Variants in SLCO1A2 observed in about 807,000 individuals in gnomAD.
The protein encoded by SLCO1A2 is OATP-1.
In SLCO1A2, 67 loss-of-function variants were observed where a neutral mutation model predicts 69.0. That is an observed-to-expected ratio of 0.97 (90% CI 0.80 to 1.19). SLCO1A2 has a LOEUF of 1.19. Among genes scored for constraint, SLCO1A2 ranks in the 50% most tolerant of loss-of-function variants. SLCO1A2 has a pLI of 0.00. For missense variants in SLCO1A2, 787 were observed against 793.7 expected (o/e 0.99, Z 0.10); for synonymous variants, 260 against 265.9 (o/e 0.98, Z 0.22).
At chr12:21,327,266 C>A (rs1952308777) in intron 2 of SLCO1A2, among the ~76,000 whole-genome samples, 1 of 152,174 alleles carries the variant, frequency 6.6e-6, no homozygotes, top group Admixed American at 6.6e-5. Flanking sequence ...GATGTCCAGG[C>A]AGAGGTATGC....
intron 2 of SLCO1A2, among the ~76,000 whole-genome samples, chr12:21,351,236 G>A (rs970902567): frequency 6.6e-6 from 1 of 152,186 alleles, no homozygotes; most frequent in Non-Finnish European, 1.5e-5. Context: ...TGTAACCTGA[G>A]AGGTACAAGC....
chr12:21,350,003 G>A (rs1937800586), intron 2 of SLCO1A2, among the ~76,000 whole-genome samples: 1 of 152,174 alleles, frequency 6.6e-6, no homozygotes, highest in Non-Finnish European at 1.5e-5. Flanking sequence ...GAACAGAGGA[G>A]ATGCATATTA....
chr12:21,386,424 T>C (rs1940881857), intron 1 of SLCO1A2, among the ~76,000 whole-genome samples: 1 of 152,096 alleles, frequency 6.6e-6, no homozygotes. Flanking sequence ...CCCCACATAT[T>C]GCGGGAGGGG....
intron 2 of SLCO1A2, among the ~76,000 whole-genome samples, chr12:21,353,072 C>G (rs1938086131): frequency 6.6e-6 from 1 of 152,176 alleles, no homozygotes; most frequent in African/African-American, 2.4e-5. Flanking sequence ...TTTAAACATT[C>G]AAATTCGAAT....
At chr12:21,333,690 G>T (rs1003496819) in intron 2 of SLCO1A2, among the ~76,000 whole-genome samples, 1 of 151,988 alleles carries the variant, frequency 6.6e-6, no homozygotes, top group Non-Finnish European at 1.5e-5. Context: ...AATATTAATA[G>T]CTAATATTTA....
rs112141807 is a variant in SLCO1A2 at position 21,351,965 on chromosome 12, C to T, written c.-62-17256G>A. On this transcript the variant is annotated intron_variant, in intron 2 of 15. Coordinates refer to the SLCO1A2 transcript ENST00000307378. ...CAGTTTAGATTGACTTTGAAATTGC[C>T]CTTAGGAGGACTTTTCCTGAATTTC... 2.7e-4 allele frequency among the ~76,000 whole-genome samples: 41 copies of T among 152,052 alleles called. 1 individual carries two copies. The highest frequency in any genetic ancestry group is 9.9e-4 in the African/African-American group (41 of 41,470).
Position 21,415,566 on chromosome 12 carries a change from A to G in SLCO1A2, c.-312+2316T>C, listed in dbSNP as rs151008608. ...GAACAATTTGGCTCACATTAAATTT[A>G]AGATGTTTTTCTGTGATGGTTTTAA... On this transcript the variant is annotated intron_variant, in intron 1 of 4. Transcript: ENST00000413682. 1.8e-3 allele frequency among the ~76,000 whole-genome samples: 269 copies of G among 152,210 alleles called. 8 individuals are homozygous for G. In the East Asian group the frequency reaches 0.043, roughly 24 times the overall value.
chr12:21,299,391 A>G (rs1245380246), intron 8 of SLCO1A2, among the ~76,000 whole-genome samples: 2 of 151,996 alleles, frequency 1.3e-5, no homozygotes, highest in East Asian at 1.9e-4. Flanking sequence ...GTTACATGCA[A>G]TTTACCCTTT....
At chr12:21,378,477 A>G (rs1213083589) in intron 1 of SLCO1A2, 2 of 1,460,480 alleles carry the variant, frequency 1.4e-6, no homozygotes, top group South Asian at 2.3e-5. Flanking sequence ...GATTTCCTGT[A>G]TAATTTAACA....
At chr12:21,385,434 T>A (rs1417082566) in intron 1 of SLCO1A2, among the ~76,000 whole-genome samples, 2 of 152,202 alleles carry the variant, frequency 1.3e-5, no homozygotes, top group African/African-American at 4.8e-5. Context: ...AAATCCTTCT[T>A]GAAATAAAAA....
intron 4 of SLCO1A2, among the ~76,000 whole-genome samples, chr12:21,313,306 C>A (rs1411704156): frequency 1.3e-5 from 2 of 152,194 alleles, no homozygotes; most frequent in Admixed American, 1.3e-4. Context: ...CGTAGGGTTG[C>A]AATAAACCTT....
chr12:21,268,208 C>G lies in SLCO1A2; in HGVS notation c.*1340G>C, dbSNP rs1344286816. The G allele has an allele frequency of 1.3e-5, 2 of 152,190 alleles. No homozygotes were observed. The highest frequency in any genetic ancestry group is 2.9e-5 in the Non-Finnish European group (2 of 68,066). The allele number at this position is 152,190 out of a possible 1,614,324, so 9.4% of individuals were successfully genotyped here. ...TCCAGCTACCAACTCACACTTTGAACTGGCAACTCAGTTTCACACTTCCAT... is the reference window on the plus strand; with the variant it reads ...TCCAGCTACCAACTCACACTTTGAAGTGGCAACTCAGTTTCACACTTCCAT... On this transcript the variant is annotated 3_prime_UTR_variant, in exon 15 of 15. Transcript: ENST00000683939.
At chr12:21,282,451 A>T (rs1489160735) in intron 12 of SLCO1A2, among the ~76,000 whole-genome samples, 1 of 152,096 alleles carries the variant, frequency 6.6e-6, no homozygotes, top group Non-Finnish European at 1.5e-5. Flanking sequence ...AACATAATAA[A>T]GGCCATATAT....
chr12:21,289,936 T>C (rs1004665858), intron 12 of SLCO1A2, among the ~76,000 whole-genome samples: 3 of 151,936 alleles, frequency 2.0e-5, no homozygotes, highest in Non-Finnish European at 2.9e-5. Context: ...AATTGAACAG[T>C]GTAGGAAAAT....
At chr12:21,385,011 C>T (rs1281423882) in intron 1 of SLCO1A2, among the ~76,000 whole-genome samples, 2 of 152,026 alleles carry the variant, frequency 1.3e-5, no homozygotes, top group East Asian at 1.9e-4. Flanking sequence ...GTCATCCGTC[C>T]GTCTCGGCCT....
chr12:21,384,848 C>G (rs1591906004), intron 1 of SLCO1A2, among the ~76,000 whole-genome samples: 1 of 151,132 alleles, frequency 6.6e-6, no homozygotes, highest in South Asian at 2.1e-4. Context: ...TCACTTCAAG[C>G]TCCGCCTTCC....
chr12:21,325,098 C>A (rs1591845596), intron 2 of SLCO1A2, among the ~76,000 whole-genome samples: 1 of 152,258 alleles, frequency 6.6e-6, no homozygotes, highest in East Asian at 1.9e-4. Context: ...CTAATAAATG[C>A]TCCACAAATG....
At chr12:21,287,099 A>G (rs11045938) in intron 12 of SLCO1A2, among the ~76,000 whole-genome samples, 22,472 of 103,478 alleles carry the variant, frequency 0.22, 2,309 homozygotes, top group African/African-American at 0.37. Flanking sequence ...GAAAATTTTC[A>G]CAACCTACTC....
rs1947615640 is a variant in SLCO1A2, at chr12:21,295,708, G to A, written c.1160C>T (p.Ala387Val). ...MKKFKITVKQAAHIGCWLSLL... is the reference protein window; with the variant it reads ...MKKFKITVKQVAHIGCWLSLL... ...GGATAACCAACATCCTATGTGGGCA[G>A]CTTGTTTGACAGTAATCTTGAACTT... The change falls in exon 10 of 15, where the codon GCT becomes GTT. Residue 387 changes from alanine (A) to valine (V), a missense_variant. Transcript: ENST00000683939. 1.2e-6 allele frequency: 2 copies of A among 1,608,266 alleles called. No homozygotes were observed. Among genetic ancestry groups the A allele is most frequent in the South Asian group, 1.1e-5 (1 of 90,942 alleles).
Sources: allele counts gnomAD v4.1 joint callset (sites outside exome capture counted in the v4.1 genomes callset), GRCh38; gene constraint gnomAD v4.1.1; transcripts MANE v1.5; gene names NCBI Gene and HGNC (gene_info 2026-07-23, HGNC 2026-07-21).